The following LTBP1 variants were observed in gnomAD, a reference collection of about 807,000 sequenced individuals.
LTBP1 encodes the protein latent transforming growth factor beta binding protein 1, also known as latent-transforming growth factor beta-binding protein 1.
In LTBP1, 129 loss-of-function variants were observed where a neutral mutation model predicts 207.6. That is an observed-to-expected ratio of 0.62 (90% CI 0.54 to 0.72). The LOEUF (loss-of-function observed/expected upper bound fraction) is 0.72, where lower values mean the gene tolerates loss of function less well. Among genes scored for constraint, LTBP1 ranks in the 30% least tolerant of loss-of-function variants. The pLI, the probability that LTBP1 is intolerant of heterozygous loss-of-function variation, is 0.00. For synonymous variants in LTBP1, 963 were observed against 833.7 expected (o/e 1.16, Z -2.67); for missense variants, 2,281 against 2,217.2 (o/e 1.03, Z -0.58).
At chr2:33,199,460 T>C (rs1268735375) in intron 7 of LTBP1, among the ~76,000 whole-genome samples, 2 of 152,176 alleles carry the variant, frequency 1.3e-5, no homozygotes, top group African/African-American at 4.8e-5. Context: ...AATTAGGTAT[T>C]GATGGGATGT....
rs543706694 is a variant in LTBP1, at chr2:33,293,518, C to T, written c.3235+236C>T. ...TAGAGAGTGTCTGTGAGCCACAGAT[C>T]GGTTCATCTAAATTTTTTTTTCTCA... On this transcript the variant is annotated intron_variant, in intron 20 of 33. Transcript: ENST00000404816. 1.7e-3 allele frequency among the ~76,000 whole-genome samples: 254 copies of T among 152,134 alleles called. 2 individuals carry two copies. The highest frequency in any genetic ancestry group is 3.1e-3 in the Non-Finnish European group (214 of 68,000).
chr2:33,082,694 G>A (rs1363231524), intron 3 of LTBP1, among the ~76,000 whole-genome samples: 2 of 151,968 alleles, frequency 1.3e-5, no homozygotes, highest in East Asian at 3.9e-4. Flanking sequence ...CAAAGTGCCG[G>A]GATTACAGGC....
At chr2:32,998,919 T>C (rs748854438) in intron 2 of LTBP1, among the ~76,000 whole-genome samples, 34 of 152,370 alleles carry the variant, frequency 2.2e-4, no homozygotes, top group Non-Finnish European at 4.1e-4. Context: ...TATTTTGTTA[T>C]AGCAGCCTGG....
chr2:33,299,966 T>A (rs1280908795), intron 20 of LTBP1, among the ~76,000 whole-genome samples: 2 of 152,270 alleles, frequency 1.3e-5, no homozygotes, highest in African/African-American at 2.4e-5. Context: ...CAGAGTTCTT[T>A]ATACAACTGT....
intron 10 of LTBP1, among the ~76,000 whole-genome samples, chr2:33,251,426 C>T (rs543550440): frequency 6.6e-5 from 10 of 152,098 alleles, no homozygotes; most frequent in South Asian, 2.1e-4. Context: ...TTTGGGAGGC[C>T]GAGGCGTGCG....
At chr2:33,381,113 T>C (rs10167082) in intron 31 of LTBP1, among the ~76,000 whole-genome samples, 18,925 of 152,226 alleles carry the variant, frequency 0.12, 1,299 homozygotes, top group African/African-American at 0.17. Context: ...TCTTGTCTCT[T>C]ATCAATTTTA....
At chr2:33,345,497 C>A (rs2094690077) in intron 25 of LTBP1, among the ~76,000 whole-genome samples, 1 of 152,358 alleles carries the variant, frequency 6.6e-6, no homozygotes, top group Admixed American at 6.5e-5. Context: ...CAAAGTTCCA[C>A]TGGACATTTA....
intron 20 of LTBP1, among the ~76,000 whole-genome samples, chr2:33,296,918 A>T (rs2093887918): frequency 6.6e-6 from 1 of 152,138 alleles, no homozygotes; most frequent in African/African-American, 2.4e-5. Context: ...AGGGACAGAG[A>T]TCATGTAGAG....
chr2:33,183,078 T>A (rs988351808), intron 5 of LTBP1, among the ~76,000 whole-genome samples: 1 of 152,200 alleles, frequency 6.6e-6, no homozygotes, highest in Non-Finnish European at 1.5e-5. Context: ...ATTTCTTTTC[T>A]TTTGTGTACT....
intron 4 of LTBP1, among the ~76,000 whole-genome samples, chr2:33,123,039 T>C (rs2081235721): frequency 6.6e-6 from 1 of 152,070 alleles, no homozygotes; most frequent in African/African-American, 2.4e-5. Context: ...GCTGCTCAAC[T>C]TTTCCTCACT....
At chr2:33,396,412 G>A (rs183715394) in intron 32 of LTBP1, among the ~76,000 whole-genome samples, 1 of 152,246 alleles carries the variant, frequency 6.6e-6, no homozygotes, top group East Asian at 1.9e-4. Context: ...AGTAGAGACA[G>A]GGTTTCACCA....
At chr2:33,038,386 T>C (rs1401379564) in intron 3 of LTBP1, among the ~76,000 whole-genome samples, 1 of 152,234 alleles carries the variant, frequency 6.6e-6, no homozygotes, top group Non-Finnish European at 1.5e-5. Context: ...AGCACCAAGC[T>C]TTGTCTCTGT....
chr2:33,053,789 C>T (rs2076859152), intron 3 of LTBP1, among the ~76,000 whole-genome samples: 1 of 152,222 alleles, frequency 6.6e-6, no homozygotes, highest in Admixed American at 6.5e-5. Context: ...TCGACCTAGA[C>T]ACCTTGTACC....
At chr2:33,131,262 G>C (rs1159429910) in intron 4 of LTBP1, among the ~76,000 whole-genome samples, 1 of 152,202 alleles carries the variant, frequency 6.6e-6, no homozygotes, top group African/African-American at 2.4e-5. Context: ...GCTTCTGATA[G>C]ACCAAATGGC....
chr2:33,175,748 C>G (rs2085967537), intron 5 of LTBP1, among the ~76,000 whole-genome samples: 2 of 152,042 alleles, frequency 1.3e-5, no homozygotes, highest in Non-Finnish European at 2.9e-5. Flanking sequence ...AGACTTGGAA[C>G]CAACCCAAAT....
intron 24 of LTBP1, among the ~76,000 whole-genome samples, chr2:33,329,137 G>A (rs2094464662): frequency 6.6e-6 from 1 of 152,134 alleles, no homozygotes. Flanking sequence ...ACCAGCAAAG[G>A]GTTAAGAGTC....
At chr2:33,168,833 A>G (rs1433503790) in intron 5 of LTBP1, among the ~76,000 whole-genome samples, 3 of 152,200 alleles carry the variant, frequency 2.0e-5, no homozygotes, top group Non-Finnish European at 4.4e-5. Context: ...GTTAATTTCC[A>G]ACTCATAGTG....
intron 7 of LTBP1, among the ~76,000 whole-genome samples, chr2:33,205,323 C>T (rs559923690): frequency 2.0e-5 from 3 of 152,308 alleles, no homozygotes; most frequent in East Asian, 1.9e-4. Flanking sequence ...TTTTGTGCCT[C>T]GTTTCTCTTC....
intron 2 of LTBP1, among the ~76,000 whole-genome samples, chr2:32,995,801 C>G (rs1345080216): frequency 6.6e-6 from 1 of 152,030 alleles, no homozygotes; most frequent in Non-Finnish European, 1.5e-5. Context: ...AACAAACAAA[C>G]AAACAAAAAC....
Sources: allele counts gnomAD v4.1 joint callset (sites outside exome capture counted in the v4.1 genomes callset), GRCh38; gene constraint gnomAD v4.1.1; transcripts MANE v1.5; gene names NCBI Gene and HGNC (gene_info 2026-07-23, HGNC 2026-07-21).